Variants in FBXO16 observed in about 807,000 individuals in gnomAD.
FBXO16 encodes F-box protein 16, also known as F-box only protein 16.
FBXO16 carries 31 observed loss-of-function variants against 41.0 expected under a neutral mutation model. The observed-to-expected ratio is 0.76, with a 90% confidence interval of 0.57 to 1.02. The LOEUF (loss-of-function observed/expected upper bound fraction) is 1.02. Among genes scored for constraint, FBXO16 ranks in the 50% least tolerant of loss-of-function variants. The pLI, the probability that FBXO16 is intolerant of heterozygous loss-of-function variation, is 0.00. For synonymous variants in FBXO16, 133 were observed against 117.8 expected, an observed-to-expected ratio of 1.13 and a Z score of -0.84; for missense variants, 361 against 346.2, an observed-to-expected ratio of 1.04 and a Z score of -0.34.
chr8:28,432,656 C>T lies in FBXO16; in HGVS notation c.844-3253G>A, dbSNP rs149570044. On this transcript the variant is annotated intron_variant, in intron 7 of 8. Coordinates refer to ENST00000380254, the MANE Select transcript of FBXO16 (RefSeq NM_172366.4). ...CGACACCAACATGAATGACCCTTTA[C>T]GAATGTGCAGCCTCCTCTGCTGCAG... 1.1e-4 allele frequency among the ~76,000 whole-genome samples: 16 copies of T among 152,306 alleles called. 1 individual carries two copies. In the East Asian group the frequency reaches 1.5e-3, roughly 15 times the overall value.
At chr8:28,461,976 G>A (rs1456955401) in intron 4 of FBXO16, among the ~76,000 whole-genome samples, 1 of 151,468 alleles carries the variant, frequency 6.6e-6, no homozygotes, top group Non-Finnish European at 1.5e-5. Flanking sequence ...GTCTCACTCT[G>A]TTGCCCAGGC....
chr8:28,456,250 C>T (rs1429540619), intron 5 of FBXO16, among the ~76,000 whole-genome samples: 5 of 152,090 alleles, frequency 3.3e-5, no homozygotes, highest in African/African-American at 1.2e-4. Flanking sequence ...TGTAAGTGCT[C>T]TACATTGCTT....
At position 28,483,331 on chromosome 8, in the gene FBXO16, T is replaced by C. The variant is rs1803545413; in HGVS notation, c.99+17A>G. 2 of 1,585,982 alleles carry C rather than the reference T, an allele frequency of 1.3e-6. No homozygotes were observed. Among genetic ancestry groups the C allele is most frequent in the Admixed American group, 1.9e-5 (1 of 53,568 alleles). ...TCAGTCATGGATTCAATTGTTAAAA[T>C]AGTTCTGGTCACTTACCCGGTCATT... On this transcript the variant is annotated intron_variant, in intron 2 of 8. Coordinates refer to ENST00000380254, the MANE Select transcript of FBXO16 (RefSeq NM_172366.4).
intron 8 of FBXO16, among the ~76,000 whole-genome samples, chr8:28,429,087 G>A (rs1049491520): frequency 3.3e-5 from 5 of 152,134 alleles, no homozygotes; most frequent in African/African-American, 7.2e-5. Context: ...TGTCACAGCT[G>A]GGGCTAGAGA....
At chr8:28,475,583 A>G (rs547920920) in intron 2 of FBXO16, among the ~76,000 whole-genome samples, 9 of 152,304 alleles carry the variant, frequency 5.9e-5, no homozygotes, top group African/African-American at 2.2e-4. Context: ...CATGCAACCA[A>G]TGTTGTCACT....
intron 4 of FBXO16, among the ~76,000 whole-genome samples, chr8:28,457,732 C>T (rs910432159): frequency 1.3e-4 from 20 of 152,130 alleles, no homozygotes; most frequent in Admixed American, 6.5e-4. Flanking sequence ...GGACATAGCC[C>T]AACCATATCA....
chr8:28,444,480 TC>T (rs2130106923), intron 7 of FBXO16, among the ~76,000 whole-genome samples: 1 of 138,162 alleles, frequency 7.2e-6, no homozygotes, highest in African/African-American at 3.4e-5. Flanking sequence ...TTTTTTCTTT[TC>T]TTTTTTTTTT....
intron 2 of FBXO16, among the ~76,000 whole-genome samples, chr8:28,480,143 AT>A (rs757693354): frequency 4.6e-5 from 7 of 151,118 alleles, no homozygotes; most frequent in African/African-American, 2.4e-5. Flanking sequence ...TGGTCCGTCT[AT>A]TTTTTTTCTC....
intron 2 of FBXO16, among the ~76,000 whole-genome samples, chr8:28,480,643 A>T (rs1335285563): frequency 6.6e-6 from 1 of 152,016 alleles, no homozygotes; most frequent in African/African-American, 2.4e-5. Context: ...AGCTGGGACT[A>T]CAGGGGTGCA....
At position 28,449,928 on chromosome 8, in the gene FBXO16, T is replaced by C. The variant is rs573626622; in HGVS notation, c.740+2316A>G. ...CAGAGGTTGCAGTGAGCCGAGATCA[T>C]GCCACTGCACTCCAGCCTGGGTGAC... On this transcript the variant is annotated intron_variant, in intron 6 of 8. Transcript: ENST00000380254. Among the ~76,000 whole-genome samples the C allele has an allele frequency of 7.7e-5, 11 of 141,980 alleles. 1 individual carries two copies. The South Asian group carries it at 2.4e-3, about 31-fold the overall frequency. 93.1% of individuals were successfully genotyped at this position (141,980 alleles called of 152,430 possible).
At chr8:28,435,126 G>A (rs568407419) in intron 7 of FBXO16, among the ~76,000 whole-genome samples, 1 of 152,010 alleles carries the variant, frequency 6.6e-6, no homozygotes, top group South Asian at 2.1e-4. Context: ...CCCAGCATCC[G>A]AGAAGAATGA....
intron 7 of FBXO16, among the ~76,000 whole-genome samples, chr8:28,443,658 A>C (rs577160787): frequency 1.6e-4 from 24 of 152,304 alleles, no homozygotes; most frequent in African/African-American, 5.3e-4. Context: ...GCTGAAACCT[A>C]CTGGGCTTCA....
At chr8:28,448,357 A>AAAAG (rs1183096537) in intron 6 of FBXO16, among the ~76,000 whole-genome samples, 168 of 151,060 alleles carry the variant, frequency 1.1e-3, no homozygotes, top group Non-Finnish European at 2.0e-3. Context: ...AAAAAAAAAA[A>AAAAG]AAAGAAAGAA....
intron 2 of FBXO16, among the ~76,000 whole-genome samples, chr8:28,481,692 C>T (rs1229450185): frequency 2.0e-5 from 3 of 151,974 alleles, no homozygotes; most frequent in Admixed American, 1.3e-4. Context: ...CGCCTGTAGT[C>T]CCAGCTACTC....
intron 4 of FBXO16, among the ~76,000 whole-genome samples, chr8:28,460,245 A>ATTTTTTTTT (rs34429050): frequency 4.7e-5 from 4 of 85,442 alleles, no homozygotes; most frequent in African/African-American, 6.3e-5. Context: ...ATATATATAT[A>ATTTTTTTTT]TTTTTTTTTT....
At chr8:28,432,259 A>G (rs1397264385) in intron 7 of FBXO16, among the ~76,000 whole-genome samples, 1 of 151,866 alleles carries the variant, frequency 6.6e-6, no homozygotes, top group Non-Finnish European at 1.5e-5. Context: ...GGATCACCTG[A>G]GGTCAGGAGT....
At chr8:28,464,888 G>A (rs62502435) in intron 3 of FBXO16, among the ~76,000 whole-genome samples, 5,172 of 152,182 alleles carry the variant, frequency 0.034, 99 homozygotes, top group African/African-American at 0.039. Context: ...TTCTGACCTC[G>A]TGATCCACCC....
chr8:28,447,922 C>G (rs1382199483), intron 6 of FBXO16, among the ~76,000 whole-genome samples: 2 of 152,078 alleles, frequency 1.3e-5, no homozygotes, highest in Non-Finnish European at 2.9e-5. Flanking sequence ...CCACTGCACT[C>G]CAGCCTGGGC....
At chr8:28,441,944 G>GTGTGT (rs1256650751) in intron 7 of FBXO16, among the ~76,000 whole-genome samples, 1 of 129,248 alleles carries the variant, frequency 7.7e-6, no homozygotes, top group African/African-American at 2.9e-5. Context: ...GTGTGTGTGT[G>GTGTGT]TATTTTTTTT....
Sources: allele counts gnomAD v4.1 joint callset (sites outside exome capture counted in the v4.1 genomes callset), GRCh38; gene constraint gnomAD v4.1.1; transcripts MANE v1.5; gene names NCBI Gene and HGNC (gene_info 2026-07-23, HGNC 2026-07-21).